CRACDL: variants seen among roughly 807,000 people sequenced by gnomAD.
CRACDL encodes the protein CRACD-like protein.
CRACDL carries 26 observed loss-of-function variants against 70.6 expected under a neutral mutation model. The observed-to-expected ratio is 0.37, with a 90% CI of 0.27 to 0.51. The LOEUF (loss-of-function observed/expected upper bound fraction) is 0.51. Among genes scored for constraint, CRACDL ranks in the 20% least tolerant of loss-of-function variants. The pLI, the probability that CRACDL is intolerant of heterozygous loss-of-function variation, is 0.94. For missense variants in CRACDL, 1,283 were observed against 1,376.9 expected (o/e 0.93, Z 1.08); for synonymous variants, 618 against 615.2 (o/e 1.00, Z -0.07).
chr2:98,859,956 A>G (rs952822192), intron 1 of CRACDL, among the ~76,000 whole-genome samples: 2 of 152,240 alleles, frequency 1.3e-5, no homozygotes, highest in Middle Eastern at 3.2e-3. Context: ...GCAAGGTTTC[A>G]GGATTTAAGA....
chr2:98,800,121 G>A (rs79751642), intron 7 of CRACDL, among the ~76,000 whole-genome samples: 3,551 of 152,288 alleles, frequency 0.023, 146 homozygotes, highest in African/African-American at 0.08. Context: ...GAGCAAGGAC[G>A]ACCTTATATT....
intron 3 of CRACDL, among the ~76,000 whole-genome samples, chr2:98,836,008 C>T (rs1349395736): frequency 6.6e-6 from 1 of 152,142 alleles, no homozygotes; most frequent in East Asian, 1.9e-4. Flanking sequence ...AATGATGTAC[C>T]GGGAATTGGG....
At chr2:98,808,197 C>T (rs1421863932) in intron 7 of CRACDL, among the ~76,000 whole-genome samples, 6 of 152,350 alleles carry the variant, frequency 3.9e-5, no homozygotes, top group African/African-American at 1.4e-4. Context: ...TCCAGACGTA[C>T]TGGGTGGGAA....
In CRACDL at chr2:98,822,619, C is replaced by T; in HGVS notation, c.1654G>A (p.Ala552Thr). 4.5e-5 allele frequency: 61 copies of T among 1,370,666 alleles called. No individual in the cohort carries two copies. Among genetic ancestry groups the T allele is most frequent in the Non-Finnish European group, 5.7e-5 (61 of 1,071,138 alleles). 84.9% of individuals were successfully genotyped at this position (1,370,666 alleles called of 1,614,324 possible). ...AERAEAPPAG[A>T]ERAAPERKAE... ...TTCCGCTCTGGCGCCGCCCTCTCGGCGCCCGCCGGTGGCGCCTCGGCTCGC... is the reference window on the plus strand; with the variant it reads ...TTCCGCTCTGGCGCCGCCCTCTCGGTGCCCGCCGGTGGCGCCTCGGCTCGC... The change falls in exon 7 of 10, where the codon GCC becomes ACC. Residue 552 changes from alanine (A) to threonine (T), a missense_variant. Physicochemically the swap from Ala to Thr is moderately conservative, Grantham distance 58. Around this residue, in one of 2 missense-constraint regions of CRACDL, gnomAD observed 921 missense variants for 881.9 expected, o/e 1.04. Coordinates refer to ENST00000397899, the MANE Select transcript of CRACDL (RefSeq NM_207362.3). This position sits in a 1 kb window ranked among gnomAD's most constrained non-coding sequence, Gnocchi z 4.9.
At chr2:98,889,087 C>G (rs1380988229) in intron 1 of CRACDL, among the ~76,000 whole-genome samples, 1 of 148,406 alleles carries the variant, frequency 6.7e-6, no homozygotes, top group African/African-American at 2.5e-5. Context: ...GAGATCATGC[C>G]ACTGCACTCT....
chr2:98,848,688 A>T lies in CRACDL; in HGVS notation c.-10-1878T>A, dbSNP rs183329435. Among the ~76,000 whole-genome samples, 459 of 152,228 alleles carry T rather than the reference A, an allele frequency of 3.0e-3. 2 individuals are homozygous for T. Among genetic ancestry groups the T allele is most frequent in the Non-Finnish European group, 3.5e-3 (241 of 68,004 alleles). On this transcript the variant is annotated intron_variant, in intron 1 of 9. Transcript: ENST00000397899. ...ATCCTCAACCTCCTGGGCTCAAGAG[A>T]TCCTCCCACCTCAGCCCCCCCACAA...
chr2:98,822,043 C>G lies in CRACDL; in HGVS notation c.2230G>C (p.Asp744His). 2 of 1,544,790 alleles carry G rather than the reference C, an allele frequency of 1.3e-6. No individual in the cohort carries two copies. The highest frequency in any genetic ancestry group is 1.7e-6 in the Non-Finnish European group (2 of 1,144,382). ...PALRGTRAPS[D>H]QGKGKARPPE... ...GGCCGGGCCTTCCCCTTTCCTTGGTCGCTGGGGGCCCTGGTGCCTCGAAGG... is the reference window on the plus strand; with the variant it reads ...GGCCGGGCCTTCCCCTTTCCTTGGTGGCTGGGGGCCCTGGTGCCTCGAAGG... The change falls in exon 7 of 10, where the codon GAC becomes CAC. Residue 744 changes from aspartate (D) to histidine (H), a missense_variant. Asp to His is a moderately conservative substitution (Grantham distance 81). Transcript: ENST00000397899. The surrounding 1 kb of genome is among the most constrained non-coding windows in gnomAD (Gnocchi z 4.9).
At chr2:98,882,781 A>T (rs1381923550) in intron 1 of CRACDL, among the ~76,000 whole-genome samples, 2 of 152,158 alleles carry the variant, frequency 1.3e-5, no homozygotes, top group Non-Finnish European at 1.5e-5. Context: ...GTTTGGTTCC[A>T]TTTTTAGATC....
At chr2:98,881,225 G>A (rs925532021) in intron 1 of CRACDL, among the ~76,000 whole-genome samples, 1 of 152,202 alleles carries the variant, frequency 6.6e-6, no homozygotes, top group Non-Finnish European at 1.5e-5. Context: ...ATGTTCAGAA[G>A]CCTCACGGAG....
intron 7 of CRACDL, among the ~76,000 whole-genome samples, chr2:98,800,761 C>G (rs1224153834): frequency 1.3e-5 from 2 of 152,232 alleles, no homozygotes; most frequent in African/African-American, 4.8e-5. Flanking sequence ...TTCTTATCTA[C>G]CGAACAAACA....
intron 1 of CRACDL, among the ~76,000 whole-genome samples, chr2:98,887,814 A>G (rs1707839300): frequency 6.6e-6 from 1 of 152,244 alleles, no homozygotes; most frequent in African/African-American, 2.4e-5. Context: ...TTATCATGAA[A>G]AGTTATGGAT....
chr2:98,807,339 A>C lies in CRACDL; in HGVS notation c.2417-9802T>G, dbSNP rs62156474. Among the ~76,000 whole-genome samples the C allele has an allele frequency of 6.2e-3, 944 of 152,350 alleles. 5 individuals carry two copies. The highest frequency in any genetic ancestry group is 9.2e-3 in the Non-Finnish European group (629 of 68,036). ...ATTGAGTGGCAAACAACAGTTACTC[A>C]GCCTTGGCACTGCTGACATTTTGGG... On this transcript the variant is annotated intron_variant, in intron 7 of 9. Coordinates refer to ENST00000397899, the MANE Select transcript of CRACDL (RefSeq NM_207362.3).
chr2:98,881,447 C>T (rs2104616430), intron 1 of CRACDL, among the ~76,000 whole-genome samples: 1 of 152,344 alleles, frequency 6.6e-6, no homozygotes, highest in Non-Finnish European at 1.5e-5. Context: ...AGCTGCACAT[C>T]AGAATTGCCT....
intron 2 of CRACDL, among the ~76,000 whole-genome samples, chr2:98,844,715 G>A (rs749199730): frequency 3.3e-5 from 5 of 152,170 alleles, no homozygotes; most frequent in Non-Finnish European, 7.3e-5. Flanking sequence ...GTATCCTGTT[G>A]CCTTAGATGC....
At chr2:98,925,295 T>C (rs927339785) in intron 1 of CRACDL, among the ~76,000 whole-genome samples, 3 of 152,170 alleles carry the variant, frequency 2.0e-5, no homozygotes, top group African/African-American at 7.2e-5. Context: ...CCCAAGAGTG[T>C]TCACCTGCAT....
chr2:98,882,365 G>A (rs1179749945), intron 1 of CRACDL, among the ~76,000 whole-genome samples: 1 of 152,242 alleles, frequency 6.6e-6, no homozygotes, highest in East Asian at 1.9e-4. Flanking sequence ...GCCAGTCAAT[G>A]TAGTTCTATC....
chr2:98,867,969 G>GT (rs942302283), intron 1 of CRACDL, among the ~76,000 whole-genome samples: 8 of 152,082 alleles, frequency 5.3e-5, no homozygotes, highest in Middle Eastern at 3.2e-3. Flanking sequence ...TTTTTGTTTT[G>GT]TTTTTTCAGT....
chr2:98,875,395 A>G (rs1226886487), intron 1 of CRACDL, among the ~76,000 whole-genome samples: 5 of 152,252 alleles, frequency 3.3e-5, no homozygotes, highest in Non-Finnish European at 7.3e-5. Flanking sequence ...TCAGCTCAGC[A>G]AATTAGCAAC....
Position 98,891,376 on chromosome 2 carries a change from C to CAAAAA in CRACDL, c.-11+44557_-11+44561dup, listed in dbSNP as rs548988640. Among the ~76,000 whole-genome samples, 106 of 37,892 alleles carry CAAAAA rather than the reference C, an allele frequency of 2.8e-3. 6 individuals are homozygous for CAAAAA. Among genetic ancestry groups the CAAAAA allele is most frequent in the Non-Finnish European group, 4.0e-3 (77 of 19,452 alleles). 24.9% of individuals were successfully genotyped at this position (37,892 alleles called of 152,430 possible). On this transcript the variant is annotated intron_variant, in intron 1 of 9. Transcript: ENST00000397899. ...TGGGTGACAGAGGGAGACTCCGTCT[C>CAAAAA]AAAAAAAAAAAAAAAAAAAAAAAAA... is the stretch of plus-strand genomic sequence containing the variant.
Sources: allele counts gnomAD v4.1 joint callset (sites outside exome capture counted in the v4.1 genomes callset), GRCh38; gene constraint gnomAD v4.1.1; regional missense constraint gnomAD v4.1.1; non-coding constraint Gnocchi (gnomAD v3.1); transcripts MANE v1.5; gene names NCBI Gene and HGNC (gene_info 2026-07-23, HGNC 2026-07-21).